Variants in PALS2 observed in about 807,000 individuals in gnomAD.
PALS2 encodes the protein protein PALS2.
In PALS2, 27 loss-of-function variants were observed where a neutral mutation model predicts 61.6. That is an observed-to-expected ratio of 0.44 (90% CI 0.32 to 0.60). The LOEUF (loss-of-function observed/expected upper bound fraction) is 0.60, where lower values mean the gene tolerates loss of function less well. Ranked by LOEUF, PALS2 falls within the 20% of genes least tolerant of loss-of-function variation. PALS2 has a pLI of 0.05. For synonymous variants in PALS2, 236 were observed against 218.6 expected, an observed-to-expected ratio of 1.08 and a Z score of -0.70; for missense variants, 554 against 639.4, an observed-to-expected ratio of 0.87 and a Z score of 1.44.
chr7:24,583,209 C>A (rs1231685706), intron 1 of PALS2, among the ~76,000 whole-genome samples: 1 of 151,860 alleles, frequency 6.6e-6, no homozygotes, highest in East Asian at 1.9e-4. Context: ...TATTTTTATA[C>A]AAATCAATTT....
chr7:24,590,452 C>G lies in PALS2; in HGVS notation c.-3+16859C>G, dbSNP rs79475456. ...GACCCAAGACCACTTCGTAGTTTCT[C>G]TGCTTGGGGTGTTCTGAACTAGGCA... is the stretch of plus-strand genomic sequence containing the variant. On this transcript the variant is annotated intron_variant, in intron 1 of 11. Transcript: ENST00000222644. Among the ~76,000 whole-genome samples the G allele has an allele frequency of 6.8e-3, 1,030 of 152,204 alleles. 9 individuals carry two copies. The highest frequency in any genetic ancestry group is 0.031 in the Middle Eastern group (9 of 294).
intron 1 of PALS2, among the ~76,000 whole-genome samples, chr7:24,591,732 C>T (rs1322358571): frequency 1.3e-5 from 2 of 152,064 alleles, no homozygotes; most frequent in Non-Finnish European, 2.9e-5. Flanking sequence ...ACAGTATGTT[C>T]ATCAACTGGT....
chr7:24,680,307 A>T, intron 10 of PALS2, 85 bp from the exon 11 acceptor site: 1 of 1,375,126 alleles, frequency 7.3e-7, no homozygotes, highest in Non-Finnish European at 1.0e-6. Context: ...GAACAAGTGC[A>T]AACAGCCTTT....
At chr7:24,636,251 G>C (rs1336335423) in intron 2 of PALS2, among the ~76,000 whole-genome samples, 1 of 151,240 alleles carries the variant, frequency 6.6e-6, no homozygotes, top group Non-Finnish European at 1.5e-5. Flanking sequence ...TGTAATTTAG[G>C]TGGATATGGT....
chr7:24,612,068 T>G (rs1236775764), intron 1 of PALS2, among the ~76,000 whole-genome samples: 2 of 152,052 alleles, frequency 1.3e-5, no homozygotes, highest in Non-Finnish European at 2.9e-5. Flanking sequence ...CTCCTACCAC[T>G]TTTAAGCTTT....
intron 3 of PALS2, among the ~76,000 whole-genome samples, chr7:24,649,150 G>A (rs367840991): frequency 1.3e-5 from 2 of 152,056 alleles, no homozygotes; most frequent in East Asian, 1.9e-4. Flanking sequence ...TTTAACAGAC[G>A]TTTTCTACAT....
intron 2 of PALS2, chr7:24,624,140 GTGT>G (rs1784637726): frequency 7.8e-7 from 1 of 1,287,318 alleles, no homozygotes. Flanking sequence ...GCATTAGACT[GTGT>G]ACCTACTTTT....
intron 9 of PALS2, among the ~76,000 whole-genome samples, chr7:24,670,730 T>A (rs1199530972): frequency 1.3e-5 from 2 of 152,180 alleles, no homozygotes; most frequent in African/African-American, 4.8e-5. Flanking sequence ...CCAGGAGCAA[T>A]CATGAATCTT....
chr7:24,573,734 G>C lies in PALS2; in HGVS notation c.-3+141G>C, dbSNP rs6950073. On this transcript the variant is annotated intron_variant, in intron 1 of 11. Coordinates refer to ENST00000222644, the MANE Select transcript of PALS2 (RefSeq NM_001303037.2). The surrounding 1 kb of genome is among the most constrained non-coding windows in gnomAD (Gnocchi z 5.3). ...CCCCCCTCGGCACCTGGGCTTCGGC[G>C]GGCGCGGGGAAGAGGGACCGGCAGG... 1 of 148,754 alleles carries C rather than the reference G, an allele frequency of 6.7e-6. No homozygotes were observed. The highest frequency in any genetic ancestry group is 2.5e-5 in the African/African-American group (1 of 40,630). 9.2% of individuals were successfully genotyped at this position (148,754 alleles called of 1,614,324 possible).
intron 5 of PALS2, among the ~76,000 whole-genome samples, chr7:24,662,784 A>G (rs1255359230): frequency 9.3e-5 from 5 of 53,848 alleles, no homozygotes; most frequent in East Asian, 2.7e-3. Flanking sequence ...AAAAAAAAAA[A>G]AAAAAAAAAA....
chr7:24,662,816 A>G (rs1214191154), intron 5 of PALS2, among the ~76,000 whole-genome samples: 1 of 150,354 alleles, frequency 6.7e-6, no homozygotes, highest in East Asian at 1.9e-4. Context: ...AAAGACAGCA[A>G]TTGGTCTGAA....
intron 8 of PALS2, among the ~76,000 whole-genome samples, chr7:24,667,656 A>C (rs1047359321): frequency 4.9e-5 from 7 of 141,704 alleles, no homozygotes; most frequent in Middle Eastern, 3.6e-3. Context: ...TGATTAGATA[A>C]ATTTTTTTTT....
At chr7:24,638,016 C>G (rs1314041725) in intron 2 of PALS2, among the ~76,000 whole-genome samples, 1 of 152,058 alleles carries the variant, frequency 6.6e-6, no homozygotes, top group East Asian at 1.9e-4. Context: ...ACTTGCTCCT[C>G]TGGTTATTTT....
intron 1 of PALS2, among the ~76,000 whole-genome samples, chr7:24,586,766 G>C (rs535170805): frequency 8.5e-5 from 13 of 152,296 alleles, no homozygotes; most frequent in African/African-American, 3.1e-4. Context: ...GAGAATGGTA[G>C]AAGAGGCTTG....
chr7:24,637,899 T>C (rs566049428), intron 2 of PALS2, among the ~76,000 whole-genome samples: 1 of 152,232 alleles, frequency 6.6e-6, no homozygotes, highest in Admixed American at 6.5e-5. Flanking sequence ...TTCCAACCAC[T>C]TGTGGCAAGT....
chr7:24,623,627 G>C, intron 1 of PALS2, 39 bp from the exon 2 acceptor site: 1 of 1,275,222 alleles, frequency 7.8e-7, no homozygotes, highest in Non-Finnish European at 1.1e-6. Flanking sequence ...TTGTTTGTTT[G>C]TTTGTTTGTT....
At chr7:24,679,715 C>T (rs1787815116) in intron 10 of PALS2, among the ~76,000 whole-genome samples, 1 of 115,842 alleles carries the variant, frequency 8.6e-6, no homozygotes, top group Non-Finnish European at 1.6e-5. Flanking sequence ...CACATGCACA[C>T]CTCTACACTA....
chr7:24,610,526 A>C (rs1319751887), intron 1 of PALS2, among the ~76,000 whole-genome samples: 1 of 152,216 alleles, frequency 6.6e-6, no homozygotes, highest in African/African-American at 2.4e-5. Flanking sequence ...ATTCAATGAA[A>C]TATTACTAAA....
chr7:24,586,679 A>C (rs913886406), intron 1 of PALS2, among the ~76,000 whole-genome samples: 1 of 152,224 alleles, frequency 6.6e-6, no homozygotes, highest in Admixed American at 6.5e-5. Flanking sequence ...TGTTTTTCTA[A>C]TGCAATCTGG....
Sources: allele counts gnomAD v4.1 joint callset (sites outside exome capture counted in the v4.1 genomes callset), GRCh38; gene constraint gnomAD v4.1.1; non-coding constraint Gnocchi (gnomAD v3.1); transcripts MANE v1.5; gene names NCBI Gene and HGNC (gene_info 2026-07-23, HGNC 2026-07-21).